FBXO4: variants seen among roughly 807,000 people sequenced by gnomAD.
FBXO4 encodes the protein F-box only protein 4.
Under a neutral mutation model 43.7 loss-of-function variants are expected in FBXO4, and 36 were observed. The observed-to-expected ratio is 0.82, with a 90% CI of 0.63 to 1.09. The LOEUF (loss-of-function observed/expected upper bound fraction) is 1.09. FBXO4 is among the 50% of genes least tolerant of loss of function. The probability of loss-of-function intolerance (pLI) is 0.00; values close to 1 mark genes in which losing one functional copy is unlikely to be tolerated. For synonymous variants in FBXO4, 180 were observed against 165.6 expected (o/e 1.09, Z -0.67); for missense variants, 435 against 474.1 (o/e 0.92, Z 0.77).
At chr5:41,973,244 GA>G in the FBXO4 span, among the ~76,000 whole-genome samples, 1 of 152,144 alleles carries the variant, frequency 6.6e-6, no homozygotes, top group African/African-American at 2.4e-5. Flanking sequence ...CAAACTCATT[GA>G]AAAATGGGCA....
the FBXO4 span, among the ~76,000 whole-genome samples, chr5:41,973,059 A>G: frequency 3.1e-3 from 467 of 152,356 alleles, 2 homozygotes; most frequent in African/African-American, 0.011. Flanking sequence ...AACAAAACCA[A>G]AAGTTGACAA....
rs796103679 is a variant in FBXO4, at chr5:41,932,044, G to A, written c.647-1902G>A. ...ACTGCAGGAGAAGCCTCACCTAGGG[G>A]TAGGCCAATTTCAAGTGTGGCTATT... On this transcript the variant is annotated intron_variant, in intron 3 of 6. Coordinates refer to ENST00000281623, the MANE Select transcript of FBXO4 (RefSeq NM_012176.3). Among the ~76,000 whole-genome samples the A allele has an allele frequency of 2.0e-4, 31 of 152,274 alleles. 1 individual carries two copies. Among genetic ancestry groups the A allele is most frequent in the African/African-American group, 7.2e-4 (30 of 41,566 alleles).
the FBXO4 span, among the ~76,000 whole-genome samples, chr5:42,014,317 C>T: frequency 3.9e-5 from 6 of 151,998 alleles, no homozygotes; most frequent in Non-Finnish European, 8.8e-5. Context: ...CAATGAGAAC[C>T]GTTTTCAGGA....
the FBXO4 span, among the ~76,000 whole-genome samples, chr5:41,972,491 C>A: frequency 1.3e-5 from 2 of 152,132 alleles, no homozygotes; most frequent in Non-Finnish European, 2.9e-5. Flanking sequence ...AATGACCATA[C>A]TGTCCAAAGC....
At chr5:41,985,123 T>C in the FBXO4 span, among the ~76,000 whole-genome samples, 9 of 152,158 alleles carry the variant, frequency 5.9e-5, no homozygotes, top group African/African-American at 1.7e-4. Flanking sequence ...CAAGCTCTTC[T>C]CCAAACATCC....
At chr5:41,970,382 G>A in the FBXO4 span, among the ~76,000 whole-genome samples, 1 of 151,880 alleles carries the variant, frequency 6.6e-6, no homozygotes, top group Non-Finnish European at 1.5e-5. Flanking sequence ...ATCTTCACCT[G>A]TTAACCAATT....
In FBXO4 at chr5:41,939,425, G is replaced by T. The variant is rs762799774; in HGVS notation, c.899-16G>T. ...AAAAGTAATGCAAATTAAGGGTTTTGACTTACATTCCTTAGGACATGAATG... is the reference window on the plus strand; with the variant it reads ...AAAAGTAATGCAAATTAAGGGTTTTTACTTACATTCCTTAGGACATGAATG... On this transcript the variant is annotated splice_polypyrimidine_tract_variant and intron_variant, in intron 5 of 6. Transcript: ENST00000281623. 2 of 1,575,976 alleles carry T rather than the reference G, an allele frequency of 1.3e-6. No homozygotes were observed. The highest frequency in any genetic ancestry group is 2.4e-5 in the South Asian group (2 of 84,964).
downstream of FBXO4, among the ~76,000 whole-genome samples, chr5:41,943,205 G>T (rs1434967973): frequency 6.6e-6 from 1 of 152,058 alleles, no homozygotes; most frequent in Admixed American, 6.6e-5. Flanking sequence ...AGAGCTACAG[G>T]CTATTTTGAT....
At chr5:41,927,966 C>T (rs558043700) in intron 2 of FBXO4, among the ~76,000 whole-genome samples, 2 of 152,066 alleles carry the variant, frequency 1.3e-5, no homozygotes, top group Non-Finnish European at 2.9e-5. Context: ...TCAAATTTAA[C>T]GCATTATTTT....
chr5:41,981,570 G>A, the FBXO4 span, among the ~76,000 whole-genome samples: 147 of 151,990 alleles, frequency 9.7e-4, no homozygotes, highest in African/African-American at 3.1e-3. Context: ...AAGAAAATAT[G>A]TGAACATTGT....
the FBXO4 span, among the ~76,000 whole-genome samples, chr5:41,964,278 T>C: frequency 6.6e-6 from 1 of 152,204 alleles, no homozygotes; most frequent in Non-Finnish European, 1.5e-5. Context: ...GCCATTTTAT[T>C]GCTTTCTTTG....
At chr5:41,989,423 A>G in the FBXO4 span, among the ~76,000 whole-genome samples, 1 of 152,186 alleles carries the variant, frequency 6.6e-6, no homozygotes, top group African/African-American at 2.4e-5. Context: ...AAAATAATAA[A>G]TATATTCCGT....
the FBXO4 span, among the ~76,000 whole-genome samples, chr5:42,006,415 G>A: frequency 6.6e-6 from 1 of 151,868 alleles, no homozygotes; most frequent in African/African-American, 2.4e-5. Flanking sequence ...AATTATGTTA[G>A]GCTACAAATA....
At chr5:42,029,554 T>C in the FBXO4 span, among the ~76,000 whole-genome samples, 2,434 of 152,124 alleles carry the variant, frequency 0.016, 122 homozygotes, top group East Asian at 0.1. Flanking sequence ...TTTCCTACCA[T>C]GTACTTGGGG....
chr5:41,999,465 G>A, the FBXO4 span, among the ~76,000 whole-genome samples: 7,512 of 64,054 alleles, frequency 0.12, 423 homozygotes, highest in African/African-American at 0.22. Context: ...GTGTGTGTGT[G>A]TATATATATA....
the FBXO4 span, among the ~76,000 whole-genome samples, chr5:41,980,387 G>T: frequency 3.3e-5 from 5 of 152,118 alleles, no homozygotes; most frequent in Admixed American, 6.6e-5. Flanking sequence ...AATAAAAAAG[G>T]ATAGAAAGAA....
At chr5:41,928,815 G>A (rs985284087) in intron 2 of FBXO4, 4 of 152,256 alleles carry the variant, frequency 2.6e-5, no homozygotes, top group East Asian at 1.9e-4. Flanking sequence ...ATTTTGTTAG[G>A]TTAGTGATTT....
the FBXO4 span, chr5:41,951,438 C>A: frequency 8.5e-6 from 2 of 236,508 alleles, no homozygotes; most frequent in Non-Finnish European, 8.3e-6. Context: ...AGCACACATG[C>A]AACCTGCACA....
intron 5 of FBXO4, among the ~76,000 whole-genome samples, chr5:41,937,036 G>C (rs542112352): frequency 2.0e-5 from 3 of 152,276 alleles, no homozygotes; most frequent in Non-Finnish European, 4.4e-5. Context: ...GTAGTAGGCT[G>C]ACCCCTGATC....
Sources: gnomAD v4.1 joint callset for allele counts (sites outside exome capture counted in the v4.1 genomes callset) on GRCh38, gnomAD v4.1.1 for gene constraint, MANE v1.5 for transcripts, NCBI Gene and HGNC (gene_info 2026-07-23, HGNC 2026-07-21) for gene names.